The following YJU2B variants were observed in gnomAD, a reference collection of about 807,000 sequenced individuals.
YJU2B encodes the protein YJU2 splicing factor homolog B, also known as probable splicing factor YJU2B.
In YJU2B, 18 loss-of-function variants were observed where a neutral mutation model predicts 38.0. The ratio of observed to expected loss-of-function variants is 0.47; its 90% CI spans 0.33 to 0.70. The LOEUF (loss-of-function observed/expected upper bound fraction) is 0.70. YJU2B is among the 30% of genes least tolerant of loss of function. The pLI is 0.02. For missense variants in YJU2B, 538 were observed against 556.3 expected (o/e 0.97, Z 0.33); for synonymous variants, 246 against 225.4 (o/e 1.09, Z -0.82).
At chr19:13,752,191 G>C (rs1221746349) in intron 2 of YJU2B, among the ~76,000 whole-genome samples, 1 of 151,824 alleles carries the variant, frequency 6.6e-6, no homozygotes, top group Admixed American at 6.6e-5. Context: ...CTGACCTCAA[G>C]TGATCCACTA....
In YJU2B at chr19:13,755,657, C is replaced by T. The variant is rs548972106; in HGVS notation, c.58-540C>T. Among the ~76,000 whole-genome samples the T allele has an allele frequency of 1.7e-3, 257 of 151,832 alleles. 2 individuals carry two copies. Among genetic ancestry groups the T allele is most frequent in the Non-Finnish European group, 1.1e-3 (73 of 67,960 alleles). On this transcript the variant is annotated intron_variant, in intron 3 of 9. Coordinates refer to ENST00000221554, the MANE Select transcript of YJU2B (RefSeq NM_030818.4). The stretch of plus-strand genomic sequence containing the variant: ...GCCCAGGGTCCCCTGGCTCTTTCAG[C>T]TCATAAATGGGAACAGGGCTGGGCG...
At chr19:13,754,016 C>CA (rs1238494607) in intron 2 of YJU2B, among the ~76,000 whole-genome samples, 4 of 151,356 alleles carry the variant, frequency 2.6e-5, no homozygotes, top group South Asian at 2.1e-4. Context: ...ACTAAAAATA[C>CA]AAAAAATTAG....
chr19:13,733,356 G>A (rs989961819), intron 2 of YJU2B, among the ~76,000 whole-genome samples: 15 of 152,212 alleles, frequency 9.9e-5, no homozygotes, highest in Admixed American at 4.6e-4. Flanking sequence ...ATTCGGGGCC[G>A]GATCATTCTT....
Position 13,756,203 on chromosome 19 carries a change from T to G in YJU2B, c.64T>G (p.Ser22Ala). Residue 22 changes from serine (S) to alanine (A), a missense_variant, in exon 4 of 10, where the codon TCT (serine) becomes GCT (alanine). By Grantham distance (99) the Ser-to-Ala change is moderately conservative. Transcript: ENST00000221554. ...CCTCATCCTCTCCACACAGCATGGC[T>G]CTCTCAACCGATACCACAACAGCCA... ...PPDFNPEKHG[S>A]LNRYHNSHPL... The G allele has an allele frequency of 6.2e-7, 1 of 1,613,814 alleles. No individual in the cohort carries two copies. Among genetic ancestry groups the G allele is most frequent in the Non-Finnish European group, 8.5e-7 (1 of 1,179,848 alleles).
At chr19:13,731,849 G>C (rs1323904132) in exon 1 of YJU2B, 1 of 152,294 alleles carries the variant, frequency 6.6e-6, no homozygotes. Context: ...AGGGGGCCAA[G>C]AGGGATAAGA....
intron 2 of YJU2B, among the ~76,000 whole-genome samples, chr19:13,742,882 C>T (rs1377177715): frequency 6.6e-6 from 1 of 152,198 alleles, no homozygotes; most frequent in East Asian, 1.9e-4. Context: ...GCAGTTCCCT[C>T]TCATTCCTGG....
Position 13,762,383 on chromosome 19 carries a change from G to A in YJU2B, c.658G>A (p.Glu220Lys), listed in dbSNP as rs373729098. The A allele has an allele frequency of 1.7e-5, 28 of 1,613,758 alleles. No individual in the cohort carries two copies. Among genetic ancestry groups the A allele is most frequent in the African/African-American group, 4.0e-5 (3 of 74,914 alleles). Residue 220 changes from glutamate to lysine, a missense_variant, in exon 9 of 10, where the codon GAG becomes AAG. Physicochemically the swap from Glu to Lys is moderately conservative, Grantham distance 56 (BLOSUM62 1). This residue lies in a region of YJU2B where 488 missense variants were observed against 469.5 expected (regional missense o/e 1.04). Transcript: ENST00000221554. ...KASLTIPLVP[E>K]TEDDRKLAAL... ...GAGCCTGACCATCCCGCTGGTGCCCGAGACGGAAGATGACCGCAAGCTGGC... is the reference window on the plus strand; with the variant it reads ...GAGCCTGACCATCCCGCTGGTGCCCAAGACGGAAGATGACCGCAAGCTGGC...
intron 2 of YJU2B, among the ~76,000 whole-genome samples, chr19:13,736,120 T>C (rs1334405937): frequency 1.3e-5 from 2 of 152,058 alleles, no homozygotes; most frequent in African/African-American, 4.8e-5. Context: ...AAGTCTGGAA[T>C]ATAGGAATAT....
At chr19:13,762,227 G>C (rs911542216) in intron 8 of YJU2B, 72 bp from the exon 9 acceptor site, 5 of 1,531,592 alleles carry the variant, frequency 3.3e-6, no homozygotes, top group African/African-American at 2.8e-5. Flanking sequence ...AGTTGGAGCA[G>C]TGCCCCCTAG....
chr19:13,746,003 G>C (rs1000514000), upstream of YJU2B, among the ~76,000 whole-genome samples: 1 of 152,206 alleles, frequency 6.6e-6, no homozygotes, highest in East Asian at 1.9e-4. Flanking sequence ...TGTAATCCCA[G>C]CACTTTGGGA....
upstream of YJU2B, among the ~76,000 whole-genome samples, chr19:13,745,384 C>T (rs1455867909): frequency 6.6e-6 from 1 of 151,978 alleles, no homozygotes; most frequent in Non-Finnish European, 1.5e-5. Context: ...ATGGGGAGGC[C>T]GGGCGCAGTG....
At chr19:13,739,646 TCTC>T (rs1343065549) in intron 2 of YJU2B, among the ~76,000 whole-genome samples, 1 of 152,082 alleles carries the variant, frequency 6.6e-6, no homozygotes, top group Non-Finnish European at 1.5e-5. Context: ...TCCAGCTCCT[TCTC>T]CTCTCTAGGA....
In YJU2B at chr19:13,752,258, TTCTC is replaced by T. The variant is rs1973497546; in HGVS notation, c.3+449_3+452del. Among the ~76,000 whole-genome samples, 4 of 150,056 alleles carry T rather than the reference TTCTC, an allele frequency of 2.7e-5. No individual in the cohort carries two copies. The South Asian group carries it at 8.6e-4, about 32-fold the overall frequency. ...CCCTCCCCCTCCCCTACCCCTTCCT[TTCTC>T]TTTCTTTCTTTCATTTTTTTTTAAC... On this transcript the variant is annotated intron_variant, in intron 2 of 9. Coordinates refer to ENST00000221554, the MANE Select transcript of YJU2B (RefSeq NM_030818.4).
intron 4 of YJU2B, 115 bp from the exon 5 acceptor site, chr19:13,757,303 A>T (rs693151): frequency 1.4e-6 from 1 of 731,406 alleles, no homozygotes. Flanking sequence ...TCCCGTTAAC[A>T]GGGCAGTCTA....
upstream of YJU2B, chr19:13,747,854 C>T (rs896392494): frequency 2.6e-5 from 4 of 152,330 alleles, no homozygotes; most frequent in Non-Finnish European, 5.9e-5. Flanking sequence ...CGCCCCGCCT[C>T]ACGCCGGCGT....
Position 13,763,028 on chromosome 19 carries a change from CCTCCCTCGTGGCGGACTA to C in YJU2B, c.1156_1173del (p.Leu386_Ser391del), listed in dbSNP as rs770273528. The C allele has an allele frequency of 6.3e-7, 1 of 1,583,102 alleles. No individual in the cohort carries two copies. Among genetic ancestry groups the C allele is most frequent in the Admixed American group, 1.8e-5 (1 of 56,118 alleles). On this transcript the variant is annotated inframe_deletion, in exon 10 of 10. Transcript: ENST00000221554. ...ACGCGGCACCCCTGCAGTCTCGGCT[CCTCCCTCGTGGCGGACTA>C]CTCCGACTCGGAGAGTGAGTGAGCG...
chr19:13,744,225 G>T (rs974337263), upstream of YJU2B, among the ~76,000 whole-genome samples: 2 of 152,104 alleles, frequency 1.3e-5, no homozygotes, highest in Non-Finnish European at 2.9e-5. Flanking sequence ...AACATCTTCT[G>T]ATTTGCAATG....
rs1287727461 is a variant in YJU2B, at chr19:13,756,212, C to A, written c.73C>A (p.Arg25=). 1 of 1,614,022 alleles carries A rather than the reference C, an allele frequency of 6.2e-7. No individual in the cohort carries two copies. The change falls in exon 4 of 10, where the codon CGA becomes AGA. Residue 25 remains arginine, a synonymous_variant. Coordinates refer to ENST00000221554, the MANE Select transcript of YJU2B (RefSeq NM_030818.4). ...CTCCACACAGCATGGCTCTCTCAAC[C>A]GATACCACAACAGCCACCCGCTTCG... ...FNPEKHGSLN[R]YHNSHPLRER...
chr19:13,757,034 G>C (rs1267306017), intron 4 of YJU2B, among the ~76,000 whole-genome samples: 3 of 151,854 alleles, frequency 2.0e-5, no homozygotes, highest in African/African-American at 7.2e-5. Context: ...CCAGCTACTT[G>C]GGAGGCTGAG....
Sources: gnomAD v4.1 joint callset for allele counts (sites outside exome capture counted in the v4.1 genomes callset) on GRCh38, gnomAD v4.1.1 for gene constraint, gnomAD v4.1.1 regional missense constraint, MANE v1.5 for transcripts, NCBI Gene and HGNC (gene_info 2026-07-23, HGNC 2026-07-21) for gene names.